TGFBRAP1: variants seen among roughly 807,000 people sequenced by gnomAD.
The protein encoded by TGFBRAP1 is transforming growth factor beta receptor associated protein 1.
TGFBRAP1 carries 20 observed loss-of-function variants against 83.2 expected under a neutral mutation model. The observed-to-expected ratio is 0.24, with a 90% CI of 0.17 to 0.35. The LOEUF is 0.35. TGFBRAP1 is among the 10% of genes least tolerant of loss of function. The probability of loss-of-function intolerance (pLI) is 1.00; values close to 1 mark genes in which losing one functional copy is unlikely to be tolerated. For synonymous variants in TGFBRAP1, 415 were observed against 459.8 expected (o/e 0.90, Z 1.25); for missense variants, 950 against 1,099.4 (o/e 0.86, Z 1.92).
chr2:105,291,417 TAAGA>T (rs1467414901), intron 4 of TGFBRAP1, among the ~76,000 whole-genome samples: 1 of 152,136 alleles, frequency 6.6e-6, no homozygotes, highest in African/African-American at 2.4e-5. Flanking sequence ...CTGAGATGAC[TAAGA>T]AAGTAGAGGT....
chr2:105,269,136 G>A lies in TGFBRAP1; in HGVS notation c.2406+136C>T. ...ACACAGACCTCAGTTTCTATGAGTA[G>A]GATCAGATATTGATGTGTTGTAGTC... On this transcript the variant is annotated intron_variant, in intron 11 of 11. Transcript: ENST00000393359. The surrounding 1 kb of genome is among the most constrained non-coding windows in gnomAD (Gnocchi z 4.1). The A allele has an allele frequency of 8.7e-7, 1 of 1,146,590 alleles. No individual in the cohort carries two copies. Among genetic ancestry groups the A allele is most frequent in the Non-Finnish European group, 1.2e-6 (1 of 838,160 alleles). The allele number at this position is 1,146,590 out of a possible 1,614,324, so 71.0% of individuals were successfully genotyped here.
At chr2:105,267,593 A>G in intron 11 of TGFBRAP1, 34 bp from the exon 12 acceptor site, 1 of 1,613,264 alleles carries the variant, frequency 6.2e-7, no homozygotes, top group Admixed American at 1.7e-5. Flanking sequence ...GAATGCTGTC[A>G]TGTGTTAAGT....
At chr2:105,272,685 G>A (rs928235946) in intron 10 of TGFBRAP1, among the ~76,000 whole-genome samples, 170 bp downstream of exon 10, 2 of 152,052 alleles carry the variant, frequency 1.3e-5, no homozygotes, top group Non-Finnish European at 2.9e-5. Flanking sequence ...CAGCCTGGGT[G>A]ACAAAGCGAC....
intron 1 of TGFBRAP1, among the ~76,000 whole-genome samples, chr2:105,315,937 G>T (rs1678840918): frequency 6.6e-6 from 1 of 152,098 alleles, no homozygotes; most frequent in African/African-American, 2.4e-5. Context: ...CCCAAAAAAA[G>T]GGAACGGCTC....
chr2:105,326,129 C>G (rs1411015416), intron 1 of TGFBRAP1, among the ~76,000 whole-genome samples: 1 of 151,850 alleles, frequency 6.6e-6, no homozygotes, highest in Non-Finnish European at 1.5e-5. Context: ...AGTTGGTATC[C>G]TTTTTACTGG....
At chr2:105,304,927 G>T (rs1181134972) in intron 2 of TGFBRAP1, among the ~76,000 whole-genome samples, 3 of 152,182 alleles carry the variant, frequency 2.0e-5, no homozygotes, top group Non-Finnish European at 4.4e-5. Context: ...CGGTTGCTGG[G>T]GCTTAGGGGA....
chr2:105,297,136 T>G, intron 3 of TGFBRAP1, among the ~76,000 whole-genome samples: 1 of 152,124 alleles, frequency 6.6e-6, no homozygotes, highest in East Asian at 1.9e-4. Flanking sequence ...AGAACTGCAG[T>G]CCAAGACTAG....
chr2:105,305,092 C>T (rs1423256413), intron 2 of TGFBRAP1, among the ~76,000 whole-genome samples: 1 of 152,138 alleles, frequency 6.6e-6, no homozygotes. Context: ...AATGATGTGC[C>T]CCCTGTACCA....
At chr2:105,297,031 CTCCCCACAAT>C (rs2104372448) in intron 3 of TGFBRAP1, among the ~76,000 whole-genome samples, 1 of 152,132 alleles carries the variant, frequency 6.6e-6, no homozygotes, top group African/African-American at 2.4e-5. Flanking sequence ...ATGTATTCAT[CTCCCCACAAT>C]CCTGCAAGTT....
At chr2:105,320,741 G>A (rs1322816492) in intron 1 of TGFBRAP1, among the ~76,000 whole-genome samples, 2 of 152,016 alleles carry the variant, frequency 1.3e-5, no homozygotes, top group Non-Finnish European at 2.9e-5. Context: ...CAATCAGTTC[G>A]GAATTGCTGC....
rs1465280911 is a variant in TGFBRAP1 at position 105,266,468 on chromosome 2, G to C, written c.*915C>G. The C allele has an allele frequency of 2.0e-5, 3 of 152,206 alleles. No individual in the cohort carries two copies. Among genetic ancestry groups the C allele is most frequent in the Non-Finnish European group, 4.4e-5 (3 of 68,046 alleles). 9.4% of individuals were successfully genotyped at this position (152,206 alleles called of 1,614,324 possible). A position where few individuals can be genotyped will look rare whatever the true frequency, so the allele number is the denominator to read the frequency against. ...ACAGGACAGATGACTCTCTCAACAA[G>C]AGAGCAACTACGAACATGATACAAA... On this transcript the variant is annotated 3_prime_UTR_variant, in exon 12 of 12. Transcript: ENST00000393359.
rs1339739549 is a variant in TGFBRAP1, at chr2:105,269,047, C to T, written c.2406+225G>A. Among the ~76,000 whole-genome samples the T allele has an allele frequency of 7.2e-5, 11 of 152,336 alleles. No individual in the cohort carries two copies. The highest frequency in any genetic ancestry group is 1.0e-4 in the Non-Finnish European group (7 of 68,020). The stretch of plus-strand genomic sequence containing the variant: ...CCCTACAGACTCTCTTAATCACCAG[C>T]GTCCAAAAGGGGAGAAAAACTACAC... On this transcript the variant is annotated intron_variant, in intron 11 of 11. Coordinates refer to ENST00000393359, the MANE Select transcript of TGFBRAP1 (RefSeq NM_004257.6). The surrounding 1 kb of genome is among the most constrained non-coding windows in gnomAD (Gnocchi z 4.1).
chr2:105,319,460 G>A (rs1193474382), intron 1 of TGFBRAP1, among the ~76,000 whole-genome samples: 1 of 150,382 alleles, frequency 6.6e-6, no homozygotes, highest in East Asian at 2.0e-4. Flanking sequence ...GGGAGACTGA[G>A]GTGGGTAGAT....
In TGFBRAP1 at chr2:105,307,561, G is replaced by A. The variant is rs915381063; in HGVS notation, c.688+53C>T. ...CAATCTCACTCTCCAGTTTCAACAC[G>A]CAGTCACCGAGGCCACCCAAAAAGA... On this transcript the variant is annotated intron_variant, in intron 2 of 11. Coordinates refer to ENST00000393359, the MANE Select transcript of TGFBRAP1 (RefSeq NM_004257.6). 3.7e-5 allele frequency: 57 copies of A among 1,523,816 alleles called. No homozygotes were observed. The African/African-American group carries it at 5.9e-4, about 16-fold the overall frequency. The allele number at this position is 1,523,816 out of a possible 1,614,324, so 94.4% of individuals were successfully genotyped here. A position where few individuals can be genotyped will look rare whatever the true frequency, so the allele number is the denominator to read the frequency against.
At chr2:105,270,996 C>T (rs1677136149) in intron 10 of TGFBRAP1, among the ~76,000 whole-genome samples, 1 of 152,236 alleles carries the variant, frequency 6.6e-6, no homozygotes, top group South Asian at 2.1e-4. Flanking sequence ...TTTGGATTTC[C>T]AGTGCTCCTC....
intron 2 of TGFBRAP1, among the ~76,000 whole-genome samples, chr2:105,306,930 G>A (rs1678519288): frequency 6.6e-6 from 1 of 152,138 alleles, no homozygotes; most frequent in South Asian, 2.1e-4. Flanking sequence ...ACCTTCCTGG[G>A]GTGGAGGTAA....
intron 2 of TGFBRAP1, among the ~76,000 whole-genome samples, chr2:105,304,873 T>C (rs967480944): frequency 1.3e-5 from 2 of 151,900 alleles, no homozygotes; most frequent in Non-Finnish European, 2.9e-5. Flanking sequence ...GATCACACTC[T>C]GGAAAAGAAA....
chr2:105,314,575 C>G (rs541660332), intron 1 of TGFBRAP1, among the ~76,000 whole-genome samples: 1 of 151,878 alleles, frequency 6.6e-6, no homozygotes, highest in Admixed American at 6.6e-5. Flanking sequence ...TTACGGCAGC[C>G]CTAGAAAGTA....
chr2:105,273,556 G>T lies in TGFBRAP1; in HGVS notation c.1800C>A (p.Asp600Glu), dbSNP rs1273103824. 6.2e-7 allele frequency: 1 copy of T among 1,614,148 alleles called. No homozygotes were observed. Among genetic ancestry groups the T allele is most frequent in the Non-Finnish European group, 8.5e-7 (1 of 1,180,038 alleles). Reference protein sequence around the residue: ...LVKYLEHLVIDKRLQKEEYHT... With the variant: ...LVKYLEHLVIEKRLQKEEYHT... Reference sequence around the variant, plus strand: ...CTGCAGTGCTCACCTGCAGTCTCTTGTCTATCACAAGATGTTCCAGATACT... The same window carrying T: ...CTGCAGTGCTCACCTGCAGTCTCTTTTCTATCACAAGATGTTCCAGATACT... Residue 600 changes from aspartate (D) to glutamate (E), a missense_variant, in exon 9 of 12, where the codon GAC becomes GAA. Transcript: ENST00000393359.
Sources: allele counts gnomAD v4.1 joint callset (sites outside exome capture counted in the v4.1 genomes callset), GRCh38; gene constraint gnomAD v4.1.1; non-coding constraint Gnocchi (gnomAD v3.1); transcripts MANE v1.5; gene names NCBI Gene and HGNC (gene_info 2026-07-23, HGNC 2026-07-21).